Variants in SCAMP1 observed in about 807,000 individuals in gnomAD.
SCAMP1 encodes the protein secretory carrier-associated membrane protein 1.
SCAMP1 carries 15 observed loss-of-function variants against 41.8 expected under a neutral mutation model. The ratio of observed to expected loss-of-function variants is 0.36; its 90% CI spans 0.24 to 0.55. The LOEUF is 0.55. Ranked by LOEUF, SCAMP1 falls within the 20% of genes least tolerant of loss-of-function variation. The pLI is 0.86. For synonymous variants in SCAMP1, 135 were observed against 136.8 expected (o/e 0.99, Z 0.09); for missense variants, 341 against 412.6 (o/e 0.83, Z 1.50).
At position 78,476,933 on chromosome 5, in the gene SCAMP1, C is replaced by T. The variant is rs948776360; in HGVS notation, c.*1265C>T. 6.6e-6 allele frequency: 1 copy of T among 152,054 alleles called. No homozygotes were observed. Among genetic ancestry groups the T allele is most frequent in the African/African-American group, 2.4e-5 (1 of 41,426 alleles). The allele number at this position is 152,054 out of a possible 1,614,324, so 9.4% of individuals were successfully genotyped here. A position where few individuals can be genotyped will look rare whatever the true frequency, so the allele number is the denominator to read the frequency against. On this transcript the variant is annotated 3_prime_UTR_variant, in exon 9 of 9. Transcript: ENST00000621999. ...TTCTTATAGTATTCTTGGGTTCAAC[C>T]TTTGAATCAATTTTACCACTGATTA...
intron 1 of SCAMP1, among the ~76,000 whole-genome samples, chr5:78,365,472 C>CAAAAAAAA (rs35765310): frequency 1.8e-5 from 1 of 55,578 alleles, no homozygotes; most frequent in African/African-American, 7.6e-5. Flanking sequence ...AGACTCATCT[C>CAAAAAAAA]AAAAAAAAAA....
At chr5:78,372,016 G>A (rs1481691580) in intron 1 of SCAMP1, among the ~76,000 whole-genome samples, 1 of 152,184 alleles carries the variant, frequency 6.6e-6, no homozygotes, top group Non-Finnish European at 1.5e-5. Flanking sequence ...AAATAATTTA[G>A]TATATATAGC....
chr5:78,421,769 T>G, intron 5 of SCAMP1, 32 bp from the exon 6 acceptor site: 3 of 1,566,150 alleles, frequency 1.9e-6, no homozygotes, highest in Non-Finnish European at 2.6e-6. Context: ...ATGTAAATCT[T>G]TCTTTTTCTA....
intron 2 of SCAMP1, among the ~76,000 whole-genome samples, chr5:78,396,468 A>T (rs1751654187): frequency 6.6e-6 from 1 of 152,216 alleles, no homozygotes; most frequent in Non-Finnish European, 1.5e-5. Flanking sequence ...GACCAGGTTC[A>T]GTTCAGTTTT....
intron 4 of SCAMP1, among the ~76,000 whole-genome samples, chr5:78,418,179 T>G: frequency 6.6e-6 from 1 of 152,212 alleles, no homozygotes; most frequent in Non-Finnish European, 1.5e-5. Flanking sequence ...GACTGTTTCA[T>G]GTTTTCTTTG....
At chr5:78,395,036 G>T (rs1751616423) in intron 2 of SCAMP1, among the ~76,000 whole-genome samples, 1 of 152,056 alleles carries the variant, frequency 6.6e-6, no homozygotes, top group South Asian at 2.1e-4. Context: ...ACTGTGACTG[G>T]ACTTATTTTC....
intron 7 of SCAMP1, among the ~76,000 whole-genome samples, chr5:78,454,324 A>G (rs1753325577): frequency 6.6e-6 from 1 of 152,224 alleles, no homozygotes; most frequent in African/African-American, 2.4e-5. Context: ...TGGGGTTGTC[A>G]TAGATAGCTC....
At position 78,443,653 on chromosome 5, in the gene SCAMP1, CTTTTTTTTTTTTT is replaced by C. The variant is rs71613955; in HGVS notation, c.633-6268_633-6256del. The stretch of plus-strand genomic sequence containing the variant: ...TTAGCCAGACTAGTGAGTGGTTTTG[CTTTTTTTTTTTTT>C]TTTTTTTTTTTGAGATAGGATCTCA... On this transcript the variant is annotated intron_variant, in intron 6 of 8. Transcript: ENST00000621999. Among the ~76,000 whole-genome samples, 127 of 71,974 alleles carry C rather than the reference CTTTTTTTTTTTTT, an allele frequency of 1.8e-3. 2 individuals carry two copies. Among genetic ancestry groups the C allele is most frequent in the African/African-American group, 6.5e-3 (112 of 17,310 alleles). 47.2% of individuals were successfully genotyped at this position (71,974 alleles called of 152,430 possible). A position where few individuals can be genotyped will look rare whatever the true frequency, so the allele number is the denominator to read the frequency against.
At chr5:78,463,239 C>A (rs16875427) in intron 8 of SCAMP1, among the ~76,000 whole-genome samples, 1 of 152,184 alleles carries the variant, frequency 6.6e-6, no homozygotes, top group Admixed American at 6.5e-5. Flanking sequence ...GCTTTCTACA[C>A]CACAGATGGC....
At chr5:78,388,102 G>A (rs1227946750) in intron 1 of SCAMP1, among the ~76,000 whole-genome samples, 1 of 152,204 alleles carries the variant, frequency 6.6e-6, no homozygotes, top group Non-Finnish European at 1.5e-5. Flanking sequence ...GGATTTCCTG[G>A]TATGTTCCTG....
chr5:78,456,546 A>T (rs1255121705), intron 7 of SCAMP1, among the ~76,000 whole-genome samples: 3 of 151,292 alleles, frequency 2.0e-5, no homozygotes, highest in African/African-American at 7.3e-5. Context: ...GTTTCTGCCG[A>T]CAGATCTGCT....
intron 4 of SCAMP1, among the ~76,000 whole-genome samples, chr5:78,417,321 G>A (rs1344707692): frequency 6.6e-6 from 1 of 152,186 alleles, no homozygotes; most frequent in Non-Finnish European, 1.5e-5. Flanking sequence ...TTTTAACTTA[G>A]AATGTGTAAG....
intron 2 of SCAMP1, among the ~76,000 whole-genome samples, chr5:78,403,335 C>T (rs779245167): frequency 3.9e-5 from 6 of 152,048 alleles, no homozygotes; most frequent in Non-Finnish European, 7.4e-5. Flanking sequence ...ATGATTCCTC[C>T]CTCCCATCTT....
At chr5:78,404,339 GTCTC>G (rs1751876085) in intron 2 of SCAMP1, among the ~76,000 whole-genome samples, 1 of 151,456 alleles carries the variant, frequency 6.6e-6, no homozygotes, top group Admixed American at 6.6e-5. Context: ...TAGAGACGGG[GTCTC>G]ACTATATTGC....
intron 1 of SCAMP1, among the ~76,000 whole-genome samples, chr5:78,376,709 A>G (rs1751073525): frequency 6.6e-6 from 1 of 152,210 alleles, no homozygotes; most frequent in African/African-American, 2.4e-5. Flanking sequence ...CTGGCTTATT[A>G]TGAAGAATAG....
intron 1 of SCAMP1, among the ~76,000 whole-genome samples, chr5:78,361,444 A>G (rs1211758447): frequency 1.3e-5 from 2 of 152,082 alleles, no homozygotes; most frequent in Non-Finnish European, 2.9e-5. Context: ...ACGATGGGAT[A>G]TTTTCCAAGC....
intron 1 of SCAMP1, among the ~76,000 whole-genome samples, chr5:78,377,493 G>A (rs10059672): frequency 6.6e-6 from 1 of 152,030 alleles, no homozygotes. Context: ...AGGTTTCCTC[G>A]TGTCCAATTC....
chr5:78,417,208 C>T (rs1752231860), intron 4 of SCAMP1, among the ~76,000 whole-genome samples: 1 of 152,164 alleles, frequency 6.6e-6, no homozygotes, highest in Non-Finnish European at 1.5e-5. Context: ...CTAGCAGTCT[C>T]TGAGTAAGAA....
At chr5:78,385,835 A>G (rs1452423326) in intron 1 of SCAMP1, among the ~76,000 whole-genome samples, 3 of 151,864 alleles carry the variant, frequency 2.0e-5, no homozygotes, top group East Asian at 1.9e-4. Context: ...TGATTTCCTT[A>G]TATTTGTTGA....
Sources: gnomAD v4.1 joint callset for allele counts (sites outside exome capture counted in the v4.1 genomes callset) on GRCh38, gnomAD v4.1.1 for gene constraint, MANE v1.5 for transcripts, NCBI Gene and HGNC (gene_info 2026-07-23, HGNC 2026-07-21) for gene names.